The following CAMK1G variants were observed in gnomAD, a reference collection of about 807,000 sequenced individuals.
The protein encoded by CAMK1G is calcium/calmodulin dependent protein kinase IG, also known as calcium/calmodulin-dependent protein kinase type 1G.
In CAMK1G, 27 loss-of-function variants were observed where a neutral mutation model predicts 54.8. That is an observed-to-expected ratio of 0.49 (90% confidence interval 0.36 to 0.68). CAMK1G has a LOEUF of 0.68. CAMK1G is among the 30% of genes least tolerant of loss of function. The probability of loss-of-function intolerance (pLI) is 0.00; values close to 1 mark genes in which losing one functional copy is unlikely to be tolerated. For missense variants in CAMK1G, 512 were observed against 591.0 expected, an observed-to-expected ratio of 0.87 and a Z score of 1.39; for synonymous variants, 238 against 224.9, an observed-to-expected ratio of 1.06 and a Z score of -0.52.
At chr1:209,612,641 T>G in intron 11 of CAMK1G, 144 bp from the exon 12 acceptor site, 2 of 646,936 alleles carry the variant, frequency 3.1e-6, no homozygotes, top group East Asian at 5.5e-5. Flanking sequence ...CTTTATCTTT[T>G]CTGCAGGTTC....
chr1:209,610,292 C>G (rs1468207650), intron 9 of CAMK1G, among the ~76,000 whole-genome samples: 1 of 152,230 alleles, frequency 6.6e-6, no homozygotes, highest in Non-Finnish European at 1.5e-5. Context: ...GGATCAATAA[C>G]TGTTCCAGGT....
chr1:209,606,536 G>T (rs1665654435), intron 6 of CAMK1G, 93 bp downstream of exon 6: 1 of 1,428,528 alleles, frequency 7.0e-7, no homozygotes. Context: ...AGAACATAGG[G>T]TTCAACTTCA....
At chr1:209,586,641 T>C (rs1202407802) in intron 1 of CAMK1G, among the ~76,000 whole-genome samples, 2 of 152,144 alleles carry the variant, frequency 1.3e-5, no homozygotes, top group Non-Finnish European at 2.9e-5. Context: ...ACCCACTGCA[T>C]GGCACTTTAG....
chr1:209,594,486 A>C (rs185087504), intron 1 of CAMK1G, among the ~76,000 whole-genome samples: 28 of 152,386 alleles, frequency 1.8e-4, no homozygotes, highest in Non-Finnish European at 3.4e-4. Context: ...TTACAAAAAC[A>C]GCACAATACT....
intron 9 of CAMK1G, among the ~76,000 whole-genome samples, 185 bp downstream of exon 9, chr1:209,610,114 T>C (rs1283124267): frequency 6.6e-6 from 1 of 152,102 alleles, no homozygotes; most frequent in Non-Finnish European, 1.5e-5. Context: ...GTGGAGCAGG[T>C]TCTAATGCAA....
Position 209,605,623 on chromosome 1 carries a change from G to A in CAMK1G, c.384G>A (p.Leu128=), listed in dbSNP as rs781615396. 1 of 1,614,162 alleles carries A rather than the reference G, an allele frequency of 6.2e-7. No homozygotes were observed. The highest frequency in any genetic ancestry group is 1.1e-5 in the South Asian group (1 of 91,084). Residue 128 remains leucine, a synonymous_variant, in exon 5 of 13, where the codon TTG becomes TTA. Coordinates refer to ENST00000361322, the MANE Select transcript of CAMK1G (RefSeq NM_020439.3). The part of the protein sequence containing the change: ...KDASLVIQQV[L]SAVKYLHENG... ...CCAGTCTGGTGATCCAGCAGGTCTT[G>A]TCGGCAGTGAAATACCTACATGAGA...
intron 3 of CAMK1G, among the ~76,000 whole-genome samples, 156 bp downstream of exon 3, chr1:209,600,267 G>A (rs1457302517): frequency 6.6e-6 from 1 of 150,384 alleles, no homozygotes; most frequent in Non-Finnish European, 1.5e-5. Context: ...GCTAAGTTTA[G>A]TCGGACAGCT....
In CAMK1G at chr1:209,606,917, C is replaced by G. The variant is rs191656526; in HGVS notation, c.559+474C>G. ...CAGAAATGGGCTCCTAAATGTCCAC[C>G]CAAGGAAGCACTCTGGGAAATTGGC... is the stretch of plus-strand genomic sequence containing the variant. On this transcript the variant is annotated intron_variant, in intron 6 of 12. Coordinates refer to ENST00000361322, the MANE Select transcript of CAMK1G (RefSeq NM_020439.3). 1.6e-3 allele frequency among the ~76,000 whole-genome samples: 237 copies of G among 152,272 alleles called. 1 individual carries two copies. The highest frequency in any genetic ancestry group is 5.6e-3 in the African/African-American group (232 of 41,556).
At chr1:209,589,305 T>C (rs1665186054) in intron 1 of CAMK1G, among the ~76,000 whole-genome samples, 1 of 152,122 alleles carries the variant, frequency 6.6e-6, no homozygotes, top group South Asian at 2.1e-4. Context: ...ACGGATCCCA[T>C]CCCAGGCACT....
At chr1:209,604,187 A>C (rs988288043) in intron 4 of CAMK1G, among the ~76,000 whole-genome samples, 1 of 152,206 alleles carries the variant, frequency 6.6e-6, no homozygotes, top group African/African-American at 2.4e-5. Flanking sequence ...GCACCTGATT[A>C]ACTGGGGGCT....
intron 1 of CAMK1G, among the ~76,000 whole-genome samples, chr1:209,593,767 C>CACTCA (rs1665314495): frequency 6.6e-6 from 1 of 152,216 alleles, no homozygotes. Context: ...CATCTCTCTC[C>CACTCA]CTTCACAGAT....
intron 2 of CAMK1G, among the ~76,000 whole-genome samples, chr1:209,598,582 C>A (rs1665445109): frequency 6.6e-6 from 1 of 152,162 alleles, no homozygotes; most frequent in Non-Finnish European, 1.5e-5. Flanking sequence ...ATAACACCTG[C>A]CTAGCCCCTG....
At chr1:209,593,873 G>T (rs2102383818) in intron 1 of CAMK1G, among the ~76,000 whole-genome samples, 1 of 152,024 alleles carries the variant, frequency 6.6e-6, no homozygotes, top group East Asian at 1.9e-4. Flanking sequence ...AAAATCCAAT[G>T]TCTTAAACAG....
intron 1 of CAMK1G, among the ~76,000 whole-genome samples, chr1:209,593,901 A>G (rs530361815): frequency 3.9e-5 from 6 of 152,118 alleles, no homozygotes; most frequent in African/African-American, 1.4e-4. Flanking sequence ...AAAGCCCTTT[A>G]TTGTCCGCCC....
intron 6 of CAMK1G, 147 bp from the exon 7 acceptor site, chr1:209,607,711 C>T: frequency 1.5e-6 from 1 of 646,452 alleles, no homozygotes; most frequent in Non-Finnish European, 2.8e-6. Context: ...AGACACAGCC[C>T]CTACCCTTAG....
chr1:209,606,638 AT>A (rs1665656908), intron 6 of CAMK1G, among the ~76,000 whole-genome samples, 195 bp downstream of exon 6: 1 of 152,156 alleles, frequency 6.6e-6, no homozygotes, highest in Non-Finnish European at 1.5e-5. Flanking sequence ...CAAATTCTAC[AT>A]TTTTAAAGAC....
At chr1:209,596,659 CACCACACACA>C (rs1320218054) in intron 2 of CAMK1G, among the ~76,000 whole-genome samples, 56 of 124,954 alleles carry the variant, frequency 4.5e-4, no homozygotes, top group African/African-American at 1.5e-3. Flanking sequence ...ATCACACACA[CACCACACACA>C]CACACACACA....
At chr1:209,607,810 C>G in intron 6 of CAMK1G, 48 bp from the exon 7 acceptor site, 1 of 1,543,070 alleles carries the variant, frequency 6.5e-7, no homozygotes, top group Non-Finnish European at 8.9e-7. Flanking sequence ...CACCCCAAAG[C>G]CCTCTCCTCT....
intron 1 of CAMK1G, among the ~76,000 whole-genome samples, chr1:209,592,875 A>G (rs1665292620): frequency 1.3e-5 from 2 of 152,200 alleles, no homozygotes; most frequent in African/African-American, 4.8e-5. Flanking sequence ...CCTCTATTCC[A>G]TGAAACCTAT....
Sources: allele counts gnomAD v4.1 joint callset (sites outside exome capture counted in the v4.1 genomes callset), GRCh38; gene constraint gnomAD v4.1.1; transcripts MANE v1.5; gene names NCBI Gene and HGNC (gene_info 2026-07-23, HGNC 2026-07-21).